Variants in SPOCK1 observed in about 807,000 individuals in gnomAD.
SPOCK1 encodes the protein SPARC (osteonectin), cwcv and kazal like domains proteoglycan 1.
SPOCK1 carries 23 observed loss-of-function variants against 55.3 expected under a neutral mutation model. That is an observed-to-expected ratio of 0.42 (90% confidence interval 0.30 to 0.59). The LOEUF (loss-of-function observed/expected upper bound fraction) is 0.59. Ranked by LOEUF, SPOCK1 falls within the 20% of genes least tolerant of loss-of-function variation. The pLI is 0.22. For synonymous variants in SPOCK1, 226 were observed against 221.0 expected (o/e 1.02, Z -0.20); for missense variants, 499 against 552.5 (o/e 0.90, Z 0.97).
intron 2 of SPOCK1, among the ~76,000 whole-genome samples, chr5:137,389,689 C>T (rs1751674262): frequency 6.6e-6 from 1 of 152,176 alleles, no homozygotes; most frequent in South Asian, 2.1e-4. Flanking sequence ...AACCAGGTCT[C>T]CAAGATGCTG....
At position 137,127,271 on chromosome 5, in the gene SPOCK1, A is replaced by G. The variant is rs568014514; in HGVS notation, c.347+13309T>C. On this transcript the variant is annotated intron_variant, in intron 4 of 10. Coordinates refer to ENST00000394945, the MANE Select transcript of SPOCK1 (RefSeq NM_004598.4). ...CCAGAGTACAAGAGCCACAGTGAGT[A>G]CTATGAGGCCACCACAGAAAGACCA... Among the ~76,000 whole-genome samples, 10 of 152,376 alleles carry G rather than the reference A, an allele frequency of 6.6e-5. No individual in the cohort carries two copies. In the South Asian group the frequency reaches 1.2e-3, roughly 19 times the overall value.
chr5:137,278,128 A>C (rs1371368087), intron 2 of SPOCK1, among the ~76,000 whole-genome samples: 2 of 152,164 alleles, frequency 1.3e-5, no homozygotes, highest in African/African-American at 4.8e-5. Context: ...GCCATTCAGC[A>C]GCTTCTCTTC....
intron 3 of SPOCK1, among the ~76,000 whole-genome samples, chr5:137,265,073 C>T (rs1756823215): frequency 6.6e-6 from 1 of 152,168 alleles, no homozygotes. Context: ...AATATAGCTG[C>T]CATCATTCCT....
chr5:137,319,819 C>T (rs1434704565), intron 2 of SPOCK1, among the ~76,000 whole-genome samples: 1 of 151,782 alleles, frequency 6.6e-6, no homozygotes, highest in East Asian at 1.9e-4. Context: ...GTGGCGGGCG[C>T]CTGTAGTCCC....
chr5:137,211,282 C>T (rs1474072054), intron 3 of SPOCK1, among the ~76,000 whole-genome samples: 1 of 152,206 alleles, frequency 6.6e-6, no homozygotes, highest in Non-Finnish European at 1.5e-5. Context: ...CAGCTACCCA[C>T]TAGCTGTGTG....
intron 2 of SPOCK1, among the ~76,000 whole-genome samples, chr5:137,483,248 AC>A (rs1344830898): frequency 1.1e-4 from 16 of 152,260 alleles, no homozygotes; most frequent in African/African-American, 3.9e-4. Flanking sequence ...TAGAAGAATC[AC>A]TTGAACCTGG....
chr5:137,067,641 A>C, intron 6 of SPOCK1, 74 bp downstream of exon 6: 1 of 1,298,798 alleles, frequency 7.7e-7, no homozygotes, highest in Non-Finnish European at 1.1e-6. Flanking sequence ...TGCCTGGGAC[A>C]GAGCTCGGCC....
intron 3 of SPOCK1, among the ~76,000 whole-genome samples, chr5:137,173,034 T>C (rs1754782803): frequency 6.6e-6 from 1 of 152,130 alleles, no homozygotes; most frequent in African/African-American, 2.4e-5. Context: ...CTAACTCCCT[T>C]TCTTCTTGCC....
chr5:137,308,134 A>C (rs1304140911), intron 2 of SPOCK1, among the ~76,000 whole-genome samples: 2 of 152,350 alleles, frequency 1.3e-5, no homozygotes, highest in African/African-American at 4.8e-5. Flanking sequence ...GCAATGTCCT[A>C]TAGTTCTTTG....
At chr5:137,364,202 G>A (rs1416236098) in intron 2 of SPOCK1, among the ~76,000 whole-genome samples, 1 of 152,200 alleles carries the variant, frequency 6.6e-6, no homozygotes, top group Non-Finnish European at 1.5e-5. Flanking sequence ...GAAGGACAGA[G>A]GTTAAATACC....
chr5:137,145,385 C>T (rs1023704675), intron 3 of SPOCK1, among the ~76,000 whole-genome samples: 8 of 152,276 alleles, frequency 5.3e-5, no homozygotes, highest in Non-Finnish European at 1.2e-4. Flanking sequence ...TAATTAGCTA[C>T]ATTGATTTTA....
At chr5:137,337,162 A>C (rs761250342) in intron 2 of SPOCK1, among the ~76,000 whole-genome samples, 1 of 152,212 alleles carries the variant, frequency 6.6e-6, no homozygotes, top group Non-Finnish European at 1.5e-5. Context: ...GCACAGGCTC[A>C]AGAAGTTACA....
chr5:137,359,851 C>T (rs557671464), intron 2 of SPOCK1, among the ~76,000 whole-genome samples: 1 of 152,298 alleles, frequency 6.6e-6, no homozygotes, highest in African/African-American at 2.4e-5. Flanking sequence ...ATCACTTGCA[C>T]ATCTATGTGG....
chr5:137,079,831 G>C (rs963656740), intron 5 of SPOCK1, among the ~76,000 whole-genome samples: 1 of 151,878 alleles, frequency 6.6e-6, no homozygotes, highest in African/African-American at 2.4e-5. Context: ...ACATGACCCT[G>C]ACCACTCCTA....
At chr5:137,202,730 C>A (rs1172257261) in intron 3 of SPOCK1, among the ~76,000 whole-genome samples, 1 of 152,174 alleles carries the variant, frequency 6.6e-6, no homozygotes, top group African/African-American at 2.4e-5. Flanking sequence ...GCAAAGCATT[C>A]TTTTCCTGGA....
intron 2 of SPOCK1, among the ~76,000 whole-genome samples, chr5:137,389,179 T>C (rs768541661): frequency 3.9e-5 from 6 of 152,142 alleles, no homozygotes; most frequent in Non-Finnish European, 8.8e-5. Flanking sequence ...CAGAAGCATC[T>C]CCAATTCCTC....
At chr5:137,392,344 A>T (rs1751741919) in intron 2 of SPOCK1, among the ~76,000 whole-genome samples, 1 of 152,132 alleles carries the variant, frequency 6.6e-6, no homozygotes, top group Non-Finnish European at 1.5e-5. Context: ...CCAGCCCACA[A>T]CTTGACTTTT....
At chr5:137,245,787 CA>C (rs33935068) in intron 3 of SPOCK1, among the ~76,000 whole-genome samples, 10,193 of 111,586 alleles carry the variant, frequency 0.091, 1,045 homozygotes, top group African/African-American at 0.27. Flanking sequence ...AAAAAAAAAA[CA>C]AAAAAAAAAA....
At chr5:136,986,996 C>T (rs1213068594) in intron 8 of SPOCK1, among the ~76,000 whole-genome samples, 4 of 151,882 alleles carry the variant, frequency 2.6e-5, no homozygotes, top group Non-Finnish European at 4.4e-5. Context: ...GACAGTTCTA[C>T]CAGGTAGTAA....
Sources: gnomAD v4.1 joint callset for allele counts (sites outside exome capture counted in the v4.1 genomes callset) on GRCh38, gnomAD v4.1.1 for gene constraint, MANE v1.5 for transcripts, NCBI Gene and HGNC (gene_info 2026-07-23, HGNC 2026-07-21) for gene names.